The following APOL6 variants were observed in gnomAD, a reference collection of about 807,000 sequenced individuals.
The protein encoded by APOL6 is apolipoprotein L6.
APOL6 carries 1 observed loss-of-function variant against 2.4 expected under a neutral mutation model. The ratio of observed to expected loss-of-function variants is 0.41; its 90% CI spans 0.15 to 1.94. APOL6 has a LOEUF of 1.94. Ranked by LOEUF, APOL6 falls within the 30% of genes most tolerant of loss-of-function variation. APOL6 has a pLI of 0.30. For synonymous variants in APOL6, 189 were observed against 169.3 expected (o/e 1.12, Z -0.90); for missense variants, 438 against 429.2 (o/e 1.02, Z -0.18).
chr22:35,655,398 G>T lies in APOL6; in HGVS notation c.-47-981G>T, dbSNP rs191160483. 2.6e-5 allele frequency among the ~76,000 whole-genome samples: 4 copies of T among 152,106 alleles called. No homozygotes were observed. The East Asian group carries it at 7.7e-4, about 29-fold the overall frequency. ...TACTTCCTCCTCCCAGTCAATAATC[G>T]CACTACCCGAGAAGAAACCTCGATT... On this transcript the variant is annotated intron_variant, in intron 1 of 2. Coordinates refer to ENST00000409652, the MANE Select transcript of APOL6 (RefSeq NM_030641.4).
At chr22:35,658,187 G>C (rs1363292112) in intron 2 of APOL6, among the ~76,000 whole-genome samples, 1 of 151,940 alleles carries the variant, frequency 6.6e-6, no homozygotes, top group African/African-American at 2.4e-5. Flanking sequence ...CTCATCCCCT[G>C]CCCACCACCT....
chr22:35,656,470 GCAAAGGTAATC>G lies in APOL6; in HGVS notation c.50+2_50+12del, dbSNP rs1464829967. 1 of 1,613,948 alleles carries G rather than the reference GCAAAGGTAATC, an allele frequency of 6.2e-7. No homozygotes were observed. The highest frequency in any genetic ancestry group is 1.3e-5 in the African/African-American group (1 of 74,902). Reference sequence around the variant, plus strand: ...GAGAAAGTGAGGCTGGTGTTGGTTTGCAAAGGTAATCCAAAGGGTGTAGTCCCCAGGGAGAG... The same window carrying G: ...GAGAAAGTGAGGCTGGTGTTGGTTTGCAAAGGGTGTAGTCCCCAGGGAGAG... On this transcript the variant is annotated splice_donor_variant and splice_donor_5th_base_variant and coding_sequence_variant and intron_variant, in exon 2 of 3. Transcript: ENST00000409652. LOFTEE classifies it high-confidence loss of function.
rs746268663 is a variant in APOL6 at position 35,659,556 on chromosome 22, GTGTGTGTC to G, written c.1008_1015del (p.Val338ThrfsTer47). On this transcript the variant is annotated frameshift_variant, in exon 3 of 3. Transcript: ENST00000409652. LOFTEE classifies it low-confidence loss of function (END_TRUNC). ...CATGTGTGGATGTGGCTGTGGCTGT[GTGTGTGTC>G]TGTGTGTCTGTGTGTATGTACAGTT... is the stretch of plus-strand genomic sequence containing the variant. 161 of 1,613,328 alleles carry G rather than the reference GTGTGTGTC, an allele frequency of 1.0e-4. No individual in the cohort carries two copies. The highest frequency in any genetic ancestry group is 1.2e-4 in the Non-Finnish European group (145 of 1,179,740).
chr22:35,656,160 T>C (rs1254614178), intron 1 of APOL6, among the ~76,000 whole-genome samples: 3 of 152,214 alleles, frequency 2.0e-5, no homozygotes, highest in South Asian at 2.1e-4. Context: ...TACCCTCCAA[T>C]ATAGAGGTAA....
chr22:35,655,163 A>G (rs1390259476), intron 1 of APOL6, among the ~76,000 whole-genome samples: 1 of 152,176 alleles, frequency 6.6e-6, no homozygotes, highest in Non-Finnish European at 1.5e-5. Flanking sequence ...TCCTTTGAGA[A>G]TTATTTATTC....
rs937894703 is a variant in APOL6 at position 35,660,628 on chromosome 22, A to G, written c.*1032A>G. On this transcript the variant is annotated 3_prime_UTR_variant, in exon 3 of 3. Coordinates refer to ENST00000409652, the MANE Select transcript of APOL6 (RefSeq NM_030641.4). Reference sequence around the variant, plus strand: ...AACAGAGATGTATCCAGAGATCCACAGTTCTGGAGGCTGAGAAGTCTAAAA... The same window carrying G: ...AACAGAGATGTATCCAGAGATCCACGGTTCTGGAGGCTGAGAAGTCTAAAA... The G allele has an allele frequency of 1.3e-5, 2 of 152,440 alleles. No individual in the cohort carries two copies. Among genetic ancestry groups the G allele is most frequent in the African/African-American group, 2.4e-5 (1 of 41,472 alleles). 9.4% of individuals were successfully genotyped at this position (152,440 alleles called of 1,614,324 possible). A position where few individuals can be genotyped will look rare whatever the true frequency, so the allele number is the denominator to read the frequency against.
chr22:35,659,496 G>T lies in APOL6; in HGVS notation c.932G>T (p.Cys311Phe). 6.2e-7 allele frequency: 1 copy of T among 1,614,168 alleles called. No individual in the cohort carries two copies. Among genetic ancestry groups the T allele is most frequent in the Non-Finnish European group, 8.5e-7 (1 of 1,180,036 alleles). The change falls in exon 3 of 3, where the codon TGC becomes TTC. Residue 311 changes from cysteine (C) to phenylalanine (F), a missense_variant. Coordinates refer to ENST00000409652, the MANE Select transcript of APOL6 (RefSeq NM_030641.4). ...RGVGKDLTGT[C>F]ETEAYWKELR... ...GTGGGGAAGGATTTAACTGGGACCT[G>T]CGAAACCGAGGCTTACTGGAAGGAG...
Position 35,656,395 on chromosome 22 carries a change from TG to T in APOL6, c.-27del. 2 of 1,613,924 alleles carry T rather than the reference TG, an allele frequency of 1.2e-6. No individual in the cohort carries two copies. Among genetic ancestry groups the T allele is most frequent in the Admixed American group, 3.3e-5 (2 of 60,024 alleles). ...CCTGACCAGAAAATCATTTGACTCC[TG>T]GGGACACAGATTTGCTGCCACAGAG... is the stretch of plus-strand genomic sequence containing the variant. On this transcript the variant is annotated 5_prime_UTR_variant, in exon 2 of 3. Coordinates refer to ENST00000409652, the MANE Select transcript of APOL6 (RefSeq NM_030641.4).
rs143651281 is a variant in APOL6 at position 35,648,955 on chromosome 22, T to C, written c.-48+332T>C. ...GGGGACCTGGCCCTTAGAAAGCAGA[T>C]GATTACATCAGCCACAGGCGTTTCC... On this transcript the variant is annotated intron_variant, in intron 1 of 2. Coordinates refer to ENST00000409652, the MANE Select transcript of APOL6 (RefSeq NM_030641.4). 9.2e-5 allele frequency among the ~76,000 whole-genome samples: 14 copies of C among 152,316 alleles called. No individual in the cohort carries two copies. The East Asian group carries it at 2.7e-3, about 29-fold the overall frequency.
At chr22:35,655,926 G>A (rs910578648) in intron 1 of APOL6, among the ~76,000 whole-genome samples, 3 of 152,322 alleles carry the variant, frequency 2.0e-5, no homozygotes, top group Non-Finnish European at 2.9e-5. Context: ...TCCAGCAGGA[G>A]CAACTTGTGG....
chr22:35,654,902 T>C (rs913537898), intron 1 of APOL6, among the ~76,000 whole-genome samples: 1 of 152,132 alleles, frequency 6.6e-6, no homozygotes, highest in Non-Finnish European at 1.5e-5. Context: ...ACAAAGGTCT[T>C]TCTATCAAGG....
rs192280454 is a variant in APOL6, at chr22:35,666,957, G to A, written c.*7361G>A. On this transcript the variant is annotated 3_prime_UTR_variant, in exon 3 of 3. Coordinates refer to ENST00000409652, the MANE Select transcript of APOL6 (RefSeq NM_030641.4). ...TATTTGTAAGTATTCTTAACTTATG[G>A]TGATACAGTTATTTGCATAAGTGCA... The A allele has an allele frequency of 1.9e-4, 29 of 152,230 alleles. No individual in the cohort carries two copies. The highest frequency in any genetic ancestry group is 7.0e-4 in the African/African-American group (29 of 41,540). 9.4% of individuals were successfully genotyped at this position (152,230 alleles called of 1,614,324 possible).
chr22:35,649,296 G>A (rs765275150), intron 1 of APOL6, among the ~76,000 whole-genome samples: 23 of 152,106 alleles, frequency 1.5e-4, no homozygotes, highest in Admixed American at 1.4e-3. Context: ...ATAGCTGGGC[G>A]TGATGGTGCA....
intron 2 of APOL6, among the ~76,000 whole-genome samples, chr22:35,658,175 C>T (rs73885405): frequency 0.027 from 4,106 of 152,128 alleles, 144 homozygotes; most frequent in South Asian, 0.093. Context: ...ACATCTGGGA[C>T]GCTCATCCCC....
Position 35,659,423 on chromosome 22 carries a change from C to A in APOL6, c.859C>A (p.Gln287Lys). The part of the protein sequence containing the change: ...ELERKLTELT[Q>K]LYKSLQQKVR... The stretch of plus-strand genomic sequence containing the variant: ...GGAGAGGAAACTCACAGAACTCACC[C>A]AGCTCTACAAGAGCTTGCAGCAGAA... Residue 287 changes from glutamine to lysine, a missense_variant, in exon 3 of 3, where the codon CAG becomes AAG. Coordinates refer to ENST00000409652, the MANE Select transcript of APOL6 (RefSeq NM_030641.4). 1 of 1,613,876 alleles carries A rather than the reference C, an allele frequency of 6.2e-7. No individual in the cohort carries two copies. The highest frequency in any genetic ancestry group is 8.5e-7 in the Non-Finnish European group (1 of 1,180,000).
At chr22:35,648,815 G>T (rs1924614229) in intron 1 of APOL6, among the ~76,000 whole-genome samples, 192 bp downstream of exon 1, 1 of 152,240 alleles carries the variant, frequency 6.6e-6, no homozygotes, top group African/African-American at 2.4e-5. Context: ...ATCCTGGTAG[G>T]TTTCCCTCCC....
Position 35,659,220 on chromosome 22 carries a change from A to G in APOL6, c.656A>G (p.Gln219Arg), listed in dbSNP as rs558213377. ...TCCTCCCGGAGCCGCGTGCAGGTGC[A>G]AAAGGCCTTTGCGGGAACAACACTG... ...QVSSRSRVQV[Q>R]KAFAGTTLAM... is the part of the protein sequence containing the mutation. The change falls in exon 3 of 3, where the codon CAA becomes CGA. Residue 219 changes from glutamine to arginine, a missense_variant. Coordinates refer to ENST00000409652, the MANE Select transcript of APOL6 (RefSeq NM_030641.4). 6.1e-5 allele frequency: 98 copies of G among 1,614,154 alleles called. 2 individuals are homozygous for G. In the South Asian group the frequency reaches 1.1e-3, roughly 18 times the overall value.
chr22:35,657,360 A>G (rs60403679), intron 2 of APOL6, among the ~76,000 whole-genome samples: 11,899 of 152,274 alleles, frequency 0.078, 969 homozygotes, highest in African/African-American at 0.21. Context: ...GGATTAATAG[A>G]TAATTGTGCC....
intron 1 of APOL6, among the ~76,000 whole-genome samples, chr22:35,655,577 T>A (rs914179161): frequency 3.1e-4 from 47 of 152,156 alleles, no homozygotes; most frequent in Admixed American, 8.5e-4. Flanking sequence ...TATGTAATAT[T>A]TAACTATATA....
Sources: allele counts gnomAD v4.1 joint callset (sites outside exome capture counted in the v4.1 genomes callset), GRCh38; gene constraint gnomAD v4.1.1; transcripts MANE v1.5; gene names NCBI Gene and HGNC (gene_info 2026-07-23, HGNC 2026-07-21).